The following TRIQK variants were observed in gnomAD, a reference collection of about 807,000 sequenced individuals.
TRIQK encodes triple QxxK/R motif containing.
TRIQK carries 10 observed loss-of-function variants against 10.8 expected under a neutral mutation model. That is an observed-to-expected ratio of 0.92 (90% CI 0.57 to 1.57). The LOEUF (loss-of-function observed/expected upper bound fraction) is 1.57, where lower values mean the gene tolerates loss of function less well. TRIQK is among the 40% of genes most tolerant of loss of function. TRIQK has a pLI of 0.00. For missense variants in TRIQK, 107 were observed against 97.7 expected (o/e 1.09, Z -0.40); for synonymous variants, 33 against 33.7 (o/e 0.98, Z 0.07).
chr8:92,891,881 T>G, intron 4 of TRIQK, 108 bp downstream of exon 4: 1 of 762,638 alleles, frequency 1.3e-6, no homozygotes, highest in Non-Finnish European at 2.0e-6. Context: ...TCTATTTAGA[T>G]TGTGAAATGT....
chr8:92,943,628 A>C (rs540051706), intron 2 of TRIQK, among the ~76,000 whole-genome samples: 2 of 152,356 alleles, frequency 1.3e-5, no homozygotes, highest in South Asian at 2.1e-4. Context: ...CACATACAGA[A>C]GAATGAAGCT....
rs941390740 is a variant in TRIQK, at chr8:92,999,497, A to G, written c.-181+18112T>C. On this transcript the variant is annotated intron_variant, in intron 1 of 4. Coordinates refer to the TRIQK transcript ENST00000520686. ...TATTCTGACTACTCGTTTAAACCAGATCACATTTTGTTAGAAATGGTGTAT... is the reference window on the plus strand; with the variant it reads ...TATTCTGACTACTCGTTTAAACCAGGTCACATTTTGTTAGAAATGGTGTAT... 3.9e-5 allele frequency among the ~76,000 whole-genome samples: 6 copies of G among 152,280 alleles called. No individual in the cohort carries two copies. The South Asian group carries it at 1.2e-3, about 32-fold the overall frequency.
intron 1 of TRIQK, among the ~76,000 whole-genome samples, chr8:92,979,244 C>T (rs1006897256): frequency 6.6e-6 from 1 of 152,110 alleles, no homozygotes; most frequent in South Asian, 2.1e-4. Flanking sequence ...TGTATAACCT[C>T]TCAGAGTGTA....
intron 1 of TRIQK, among the ~76,000 whole-genome samples, chr8:92,990,954 G>C (rs2130749885): frequency 6.6e-6 from 1 of 152,286 alleles, no homozygotes; most frequent in South Asian, 2.1e-4. Context: ...AAGTGGTCTA[G>C]CTCAGCAGAT....
chr8:93,013,270 G>A (rs552154719), intron 1 of TRIQK, among the ~76,000 whole-genome samples: 1 of 152,210 alleles, frequency 6.6e-6, no homozygotes, highest in East Asian at 1.9e-4. Flanking sequence ...TGACTATTTG[G>A]ATTGACTCTC....
intron 3 of TRIQK, among the ~76,000 whole-genome samples, chr8:92,912,915 C>G (rs1008057288): frequency 8.6e-5 from 13 of 151,716 alleles, no homozygotes; most frequent in African/African-American, 2.9e-4. Flanking sequence ...TTAAAGTCTC[C>G]CAAAATATGG....
intron 2 of TRIQK, among the ~76,000 whole-genome samples, chr8:92,926,830 T>C (rs1230656046): frequency 1.3e-5 from 2 of 152,148 alleles, no homozygotes; most frequent in Non-Finnish European, 2.9e-5. Context: ...GTGGGAAGTT[T>C]GGAGGTTTGC....
intron 1 of TRIQK, chr8:92,974,466 A>G (rs1380463286): frequency 6.6e-6 from 1 of 152,232 alleles, no homozygotes; most frequent in Non-Finnish European, 1.5e-5. Flanking sequence ...CTCCTTTTTT[A>G]GGGAAGGGTA....
chr8:92,974,522 G>A (rs1234755857), intron 1 of TRIQK: 5 of 152,206 alleles, frequency 3.3e-5, no homozygotes, highest in Non-Finnish European at 5.9e-5. Context: ...TTCTATAGAT[G>A]GTGTATGGAG....
At chr8:92,994,526 A>G (rs1250724474) in intron 1 of TRIQK, among the ~76,000 whole-genome samples, 2 of 152,020 alleles carry the variant, frequency 1.3e-5, no homozygotes, top group African/African-American at 4.8e-5. Context: ...CAATTTAAAT[A>G]ATTGTTTATT....
At chr8:92,991,172 C>T (rs1813093750) in intron 1 of TRIQK, among the ~76,000 whole-genome samples, 1 of 152,216 alleles carries the variant, frequency 6.6e-6, no homozygotes, top group African/African-American at 2.4e-5. Flanking sequence ...CGCAGCTCCA[C>T]AAAGCCACTG....
chr8:92,959,596 A>G (rs1812347713), intron 1 of TRIQK, among the ~76,000 whole-genome samples: 1 of 151,950 alleles, frequency 6.6e-6, no homozygotes. Context: ...CTCAAAAGGA[A>G]ACACGAAGTA....
chr8:92,939,129 G>C (rs1203765258), intron 2 of TRIQK, among the ~76,000 whole-genome samples: 1 of 152,140 alleles, frequency 6.6e-6, no homozygotes, highest in African/African-American at 2.4e-5. Flanking sequence ...TTGTTGAGAG[G>C]AGAAAGAGAG....
chr8:92,977,044 A>G (rs1054079424), intron 1 of TRIQK, among the ~76,000 whole-genome samples: 2 of 152,000 alleles, frequency 1.3e-5, no homozygotes, highest in Non-Finnish European at 2.9e-5. Context: ...GAAAAAATGT[A>G]TATTTACCCA....
At chr8:92,900,760 T>C (rs1312503286) in intron 3 of TRIQK, among the ~76,000 whole-genome samples, 1 of 152,134 alleles carries the variant, frequency 6.6e-6, no homozygotes, top group Non-Finnish European at 1.5e-5. Flanking sequence ...AGGATTACTT[T>C]TTCTATTTCT....
chr8:92,914,321 T>C (rs1433201083), intron 3 of TRIQK, among the ~76,000 whole-genome samples: 1 of 152,162 alleles, frequency 6.6e-6, no homozygotes, highest in Non-Finnish European at 1.5e-5. Context: ...ACATTGGTCT[T>C]GGCTATGATT....
At chr8:92,921,263 G>A (rs1810167984) in intron 2 of TRIQK, among the ~76,000 whole-genome samples, 2 of 151,572 alleles carry the variant, frequency 1.3e-5, no homozygotes, top group Admixed American at 1.3e-4. Flanking sequence ...AATGCTAGAT[G>A]TTTAGGTTCT....
In TRIQK at chr8:92,939,682, C is replaced by T. The variant is rs550013014; in HGVS notation, c.-22+14724G>A. Among the ~76,000 whole-genome samples, 4 of 152,252 alleles carry T rather than the reference C, an allele frequency of 2.6e-5. No individual in the cohort carries two copies. The South Asian group carries it at 6.2e-4, about 24-fold the overall frequency. On this transcript the variant is annotated intron_variant, in intron 2 of 4. Transcript: ENST00000521988. ...AGTGTGGCTCAACACAGCCAACAAA[C>T]CCACCCTACAACCCTACTCAGGCAG... is the stretch of plus-strand genomic sequence containing the variant.
At chr8:92,971,538 A>G (rs1237629953) in intron 1 of TRIQK, among the ~76,000 whole-genome samples, 2 of 152,180 alleles carry the variant, frequency 1.3e-5, no homozygotes, top group African/African-American at 4.8e-5. Context: ...ATGAACTTCC[A>G]TTCACAATTG....
Sources: gnomAD v4.1 joint callset for allele counts (sites outside exome capture counted in the v4.1 genomes callset) on GRCh38, gnomAD v4.1.1 for gene constraint, MANE v1.5 for transcripts, NCBI Gene and HGNC (gene_info 2026-07-23, HGNC 2026-07-21) for gene names.